The following SPOCK1 variants were observed in gnomAD, a reference collection of about 807,000 sequenced individuals.
The protein encoded by SPOCK1 is SPARC (osteonectin), cwcv and kazal like domains proteoglycan 1, also known as testican-1.
Under a neutral mutation model 55.3 loss-of-function variants are expected in SPOCK1, and 23 were observed. The observed-to-expected ratio is 0.42, with a 90% confidence interval of 0.30 to 0.59. The LOEUF is 0.59. Among genes scored for constraint, SPOCK1 ranks in the 20% least tolerant of loss-of-function variants. The pLI is 0.22. For synonymous variants in SPOCK1, 226 were observed against 221.0 expected (o/e 1.02, Z -0.20); for missense variants, 499 against 552.5 (o/e 0.90, Z 0.97).
At chr5:137,070,599 T>A (rs1163605610) in intron 5 of SPOCK1, among the ~76,000 whole-genome samples, 1 of 152,206 alleles carries the variant, frequency 6.6e-6, no homozygotes, top group African/African-American at 2.4e-5. Flanking sequence ...AAGGAAGTGC[T>A]GGAGCTCAGT....
chr5:137,200,955 C>A (rs1755414901), intron 3 of SPOCK1, among the ~76,000 whole-genome samples: 1 of 152,216 alleles, frequency 6.6e-6, no homozygotes, highest in African/African-American at 2.4e-5. Context: ...TGAATAGACC[C>A]TGATGTACTT....
intron 5 of SPOCK1, among the ~76,000 whole-genome samples, chr5:137,069,055 T>C (rs913829294): frequency 6.6e-6 from 1 of 152,338 alleles, no homozygotes; most frequent in Admixed American, 6.5e-5. Flanking sequence ...ATACAGTCCT[T>C]GCCCTTGGAA....
intron 3 of SPOCK1, among the ~76,000 whole-genome samples, chr5:137,169,756 C>G (rs1254305104): frequency 6.6e-6 from 1 of 152,190 alleles, no homozygotes; most frequent in Non-Finnish European, 1.5e-5. Context: ...ATGTGTTGTT[C>G]TCATTTTACC....
Position 137,079,932 on chromosome 5 carries a change from T to G in SPOCK1, c.475-12103A>C, listed in dbSNP as rs141493525. Among the ~76,000 whole-genome samples, 422 of 139,580 alleles carry G rather than the reference T, an allele frequency of 3.0e-3. 7 individuals carry two copies. Among genetic ancestry groups the G allele is most frequent in the African/African-American group, 0.011 (408 of 36,854 alleles). 91.6% of individuals were successfully genotyped at this position (139,580 alleles called of 152,430 possible). A position where few individuals can be genotyped will look rare whatever the true frequency, so the allele number is the denominator to read the frequency against. On this transcript the variant is annotated intron_variant, in intron 5 of 10. Coordinates refer to ENST00000394945, the MANE Select transcript of SPOCK1 (RefSeq NM_004598.4). ...CATGCCTGCTCTTCTGGTTTCCTCT[T>G]ACCCTCTAATATTTTATAATTTAGC...
intron 3 of SPOCK1, among the ~76,000 whole-genome samples, chr5:137,233,320 G>A (rs1219344977): frequency 6.6e-6 from 1 of 152,206 alleles, no homozygotes; most frequent in Non-Finnish European, 1.5e-5. Flanking sequence ...TGGGGATGAT[G>A]AGAGACAGTG....
Position 136,979,754 on chromosome 5 carries a change from G to A in SPOCK1, c.992-285C>T, listed in dbSNP as rs530543992. Among the ~76,000 whole-genome samples the A allele has an allele frequency of 1.4e-4, 22 of 152,246 alleles. 1 individual carries two copies. In the South Asian group the frequency reaches 3.9e-3, roughly 27 times the overall value. On this transcript the variant is annotated intron_variant, in intron 9 of 10. Coordinates refer to ENST00000394945, the MANE Select transcript of SPOCK1 (RefSeq NM_004598.4). Reference sequence around the variant, plus strand: ...ACTGACCTAAATCGTGCTTACATATGTATGTGTATATATACATACATTTGC... The same window carrying A: ...ACTGACCTAAATCGTGCTTACATATATATGTGTATATATACATACATTTGC...
chr5:136,980,880 T>G (rs1486055582), intron 9 of SPOCK1, among the ~76,000 whole-genome samples: 1 of 152,210 alleles, frequency 6.6e-6, no homozygotes, highest in East Asian at 1.9e-4. Context: ...TAAAAATATC[T>G]TGAGCCTGGT....
chr5:137,085,466 A>G (rs1752945722), intron 5 of SPOCK1, among the ~76,000 whole-genome samples: 1 of 152,216 alleles, frequency 6.6e-6, no homozygotes, highest in African/African-American at 2.4e-5. Flanking sequence ...CTCTTCCAGA[A>G]GGAAGCGGGG....
intron 3 of SPOCK1, among the ~76,000 whole-genome samples, chr5:137,256,069 T>C (rs549722972): frequency 7.9e-5 from 12 of 152,250 alleles, no homozygotes; most frequent in African/African-American, 2.9e-4. Context: ...CCTCACATCA[T>C]CACTCTTGAG....
intron 2 of SPOCK1, among the ~76,000 whole-genome samples, chr5:137,347,195 A>C (rs1235799594): frequency 1.4e-5 from 2 of 141,754 alleles, no homozygotes; most frequent in African/African-American, 5.2e-5. Context: ...ATAATGTTTA[A>C]ATGCCTCAGT....
At chr5:137,287,976 A>G (rs1757298978) in intron 2 of SPOCK1, among the ~76,000 whole-genome samples, 1 of 152,216 alleles carries the variant, frequency 6.6e-6, no homozygotes, top group Admixed American at 6.5e-5. Context: ...ATCAAGAAGA[A>G]GGACAATAAG....
intron 3 of SPOCK1, among the ~76,000 whole-genome samples, chr5:137,201,957 C>T (rs969146583): frequency 2.0e-5 from 3 of 152,206 alleles, no homozygotes; most frequent in Non-Finnish European, 4.4e-5. Context: ...ACTCTCAGTC[C>T]AACCGAGGCC....
At chr5:137,166,467 C>T (rs576824549) in intron 3 of SPOCK1, among the ~76,000 whole-genome samples, 1,996 of 150,782 alleles carry the variant, frequency 0.013, 45 homozygotes, top group African/African-American at 0.045. Context: ...AGCAATAAGA[C>T]ACCATCTGAA....
intron 5 of SPOCK1, among the ~76,000 whole-genome samples, chr5:137,097,522 G>C (rs559729279): frequency 6.6e-6 from 1 of 152,212 alleles, no homozygotes; most frequent in South Asian, 2.1e-4. Context: ...GCATGTCAGA[G>C]GAGCTGAGCA....
At chr5:137,141,435 C>T (rs1230344260) in intron 3 of SPOCK1, among the ~76,000 whole-genome samples, 1 of 152,214 alleles carries the variant, frequency 6.6e-6, no homozygotes, top group African/African-American at 2.4e-5. Flanking sequence ...ATTCAATAAA[C>T]ACTATGTGCA....
intron 5 of SPOCK1, among the ~76,000 whole-genome samples, chr5:137,090,144 T>C (rs902546861): frequency 4.6e-5 from 7 of 152,154 alleles, no homozygotes; most frequent in Admixed American, 4.6e-4. Flanking sequence ...AAAAAGCAAA[T>C]CCCACGCAAG....
At chr5:137,035,073 C>T (rs1467007637) in intron 6 of SPOCK1, among the ~76,000 whole-genome samples, 1 of 152,192 alleles carries the variant, frequency 6.6e-6, no homozygotes, top group Non-Finnish European at 1.5e-5. Flanking sequence ...AGGCCACAAG[C>T]AACTCCTCAG....
rs148450003 is a variant in SPOCK1, at chr5:137,148,098, A to G, written c.233-7404T>C. Reference sequence around the variant, plus strand: ...AGACCAGGGCCCTCAGTTTCTCCTGATTGCCCTCTATCTCATATCCTGTCT... The same window carrying G: ...AGACCAGGGCCCTCAGTTTCTCCTGGTTGCCCTCTATCTCATATCCTGTCT... On this transcript the variant is annotated intron_variant, in intron 3 of 10. Coordinates refer to ENST00000394945, the MANE Select transcript of SPOCK1 (RefSeq NM_004598.4). 6.0e-3 allele frequency among the ~76,000 whole-genome samples: 914 copies of G among 152,198 alleles called. 10 individuals carry two copies. The highest frequency in any genetic ancestry group is 0.022 in the African/African-American group (894 of 41,516).
chr5:137,156,913 C>T (rs1463258053), intron 3 of SPOCK1, among the ~76,000 whole-genome samples: 1 of 152,022 alleles, frequency 6.6e-6, no homozygotes, highest in Admixed American at 6.6e-5. Flanking sequence ...GTGACCAGCC[C>T]ATATAATGCT....
Sources: allele counts gnomAD v4.1 joint callset (sites outside exome capture counted in the v4.1 genomes callset), GRCh38; gene constraint gnomAD v4.1.1; transcripts MANE v1.5; gene names NCBI Gene and HGNC (gene_info 2026-07-23, HGNC 2026-07-21).